Variants in DDHD2 observed in about 807,000 individuals in gnomAD.
DDHD2 encodes the protein DDHD domain containing 2, also known as triacylglycerol hydrolase DDHD2.
A neutral mutation model predicts 91.2 loss-of-function variants in DDHD2; 62 were observed. The observed-to-expected ratio is 0.68, with a 90% confidence interval of 0.55 to 0.84. DDHD2 has a LOEUF of 0.84. DDHD2 is among the 40% of genes least tolerant of loss of function. DDHD2 has a pLI of 0.00. For synonymous variants in DDHD2, 271 were observed against 293.9 expected (o/e 0.92, Z 0.80); for missense variants, 740 against 846.9 (o/e 0.87, Z 1.57).
In DDHD2 at chr8:38,253,084, A is replaced by C; in HGVS notation, c.1848A>C (p.Glu616Asp). ...YPALQASETP[E>D]ETEAEPESTS... ...CCTTACAAGCTTCAGAAACACCAGAAGAAACTGAAGCAGAACCTGAATCAA... is the reference window on the plus strand; with the variant it reads ...CCTTACAAGCTTCAGAAACACCAGACGAAACTGAAGCAGAACCTGAATCAA... The change falls in exon 15 of 18, where the codon GAA (glutamate) becomes GAC (aspartate). Residue 616 changes from glutamate (E) to aspartate (D), a missense_variant. Physicochemically the swap from Glu to Asp is conservative, Grantham distance 45. This residue lies in a region of DDHD2 where 693 missense variants were observed against 764.2 expected (regional missense o/e 0.91). Transcript: ENST00000397166. 1 of 1,614,182 alleles carries C rather than the reference A, an allele frequency of 6.2e-7. No individual in the cohort carries two copies. Among genetic ancestry groups the C allele is most frequent in the Non-Finnish European group, 8.5e-7 (1 of 1,180,024 alleles).
intron 6 of DDHD2, among the ~76,000 whole-genome samples, chr8:38,241,276 C>G (rs1321523353): frequency 6.6e-6 from 1 of 150,718 alleles, no homozygotes; most frequent in Non-Finnish European, 1.5e-5. Flanking sequence ...TTATAAGAAC[C>G]AGAAAGTTAG....
intron 11 of DDHD2, 169 bp from the exon 12 acceptor site, chr8:38,251,743 G>T: frequency 1.8e-6 from 1 of 569,240 alleles, no homozygotes; most frequent in Middle Eastern, 4.6e-4. Context: ...CTATATAGTA[G>T]CTCCCCATAC....
chr8:38,252,634 C>G, intron 13 of DDHD2, 88 bp from the exon 14 acceptor site: 1 of 921,766 alleles, frequency 1.1e-6, no homozygotes, highest in Non-Finnish European at 1.6e-6. Context: ...AGAGCGAGAC[C>G]TCATCTCAAA....
At chr8:38,254,982 T>TA (rs1475626195) in intron 16 of DDHD2, among the ~76,000 whole-genome samples, 1 of 152,054 alleles carries the variant, frequency 6.6e-6, no homozygotes, top group Admixed American at 6.6e-5. Context: ...ATAAGTGTTT[T>TA]AAAAATGAAA....
At chr8:38,233,343 AT>A in intron 2 of DDHD2, 129 bp downstream of exon 2, 1 of 655,504 alleles carries the variant, frequency 1.5e-6, no homozygotes, top group Non-Finnish European at 2.6e-6. Context: ...TTCTTACAGC[AT>A]TTTATATAGA....
At chr8:38,267,570 A>G, downstream of DDHD2, 1 of 754,062 alleles carries the variant, frequency 1.3e-6, no homozygotes, top group Admixed American at 3.0e-5. Flanking sequence ...GAGCATTTAA[A>G]TTAGGGGAAA....
chr8:38,246,072 A>G, intron 8 of DDHD2, 122 bp downstream of exon 8: 2 of 1,216,130 alleles, frequency 1.6e-6, no homozygotes, highest in East Asian at 4.7e-5. Flanking sequence ...TGTGGTCAGG[A>G]AATTTGGAAG....
intron 3 of DDHD2, among the ~76,000 whole-genome samples, chr8:38,235,516 GTT>G (rs1334616448): frequency 6.6e-6 from 1 of 151,970 alleles, no homozygotes; most frequent in East Asian, 1.9e-4. Flanking sequence ...GAGGTTGGGA[GTT>G]TGAGACCAGC....
intron 16 of DDHD2, among the ~76,000 whole-genome samples, chr8:38,259,422 A>G (rs932863423): frequency 3.5e-5 from 5 of 143,094 alleles, no homozygotes; most frequent in African/African-American, 7.9e-5. Flanking sequence ...AGTCTCGCCT[A>G]TCTGCCAGGC....
chr8:38,254,526 G>A (rs539005185), intron 16 of DDHD2, among the ~76,000 whole-genome samples: 1 of 151,952 alleles, frequency 6.6e-6, no homozygotes, highest in East Asian at 1.9e-4. Context: ...GATGACCGTT[G>A]TGCACCACCA....
chr8:38,256,135 C>G (rs1453804766), intron 16 of DDHD2, among the ~76,000 whole-genome samples: 1 of 152,154 alleles, frequency 6.6e-6, no homozygotes, highest in Admixed American at 6.6e-5. Flanking sequence ...TCATCACTCT[C>G]AAAAGTTTCC....
Position 38,245,830 on chromosome 8 carries a change from C to G in DDHD2, c.937C>G (p.Pro313Ala), listed in dbSNP as rs763578024. The G allele has an allele frequency of 6.2e-7, 1 of 1,614,086 alleles. No individual in the cohort carries two copies. The highest frequency in any genetic ancestry group is 1.1e-5 in the South Asian group (1 of 91,084). ...TILDVFFYNS[P>A]TYCQTIVDTV... is the part of the protein sequence containing the mutation. ...TCTGGATGTCTTCTTCTACAATAGT[C>G]CCACCTACTGTCAGACTATTGTGGA... Residue 313 changes from proline to alanine, a missense_variant, in exon 8 of 18, where the codon CCC becomes GCC. Physicochemically the swap from Pro to Ala is conservative, Grantham distance 27. This residue lies in a region of DDHD2 where 693 missense variants were observed against 764.2 expected (regional missense o/e 0.91). Transcript: ENST00000397166.
At position 38,234,375 on chromosome 8, in the gene DDHD2, C is replaced by T. The variant is rs779082411; in HGVS notation, c.221-19C>T. 8.5e-6 allele frequency: 13 copies of T among 1,530,600 alleles called. No individual in the cohort carries two copies. The South Asian group carries it at 8.8e-5, about 10-fold the overall frequency. 94.8% of individuals were successfully genotyped at this position (1,530,600 alleles called of 1,614,324 possible). ...ATTTTGAAATATGTACTTCTTTTCC[C>T]CTTTTCAATCCTTGAAAGGAAAAGG... On this transcript the variant is annotated intron_variant, in intron 2 of 17. Coordinates refer to ENST00000397166, the MANE Select transcript of DDHD2 (RefSeq NM_015214.3).
chr8:38,253,262 A>G (rs1030426145), intron 15 of DDHD2, 135 bp downstream of exon 15: 7 of 1,001,708 alleles, frequency 7.0e-6, no homozygotes, highest in African/African-American at 1.6e-5. Flanking sequence ...TTAGTTTTCA[A>G]CTTCTAAAGA....
intron 3 of DDHD2, 146 bp downstream of exon 3, chr8:38,234,730 T>G: frequency 1.5e-6 from 1 of 652,228 alleles, no homozygotes; most frequent in Non-Finnish European, 2.4e-6. Context: ...GCATTTCTAT[T>G]TACAAGCAAG....
intron 15 of DDHD2, 21 bp downstream of exon 15, chr8:38,253,148 T>C: frequency 6.3e-7 from 1 of 1,592,812 alleles, no homozygotes. Flanking sequence ...CTGTACACAT[T>C]GACCAGCTGC....
intron 1 of DDHD2, chr8:38,270,136 C>A (rs181676505): frequency 1.3e-5 from 2 of 152,242 alleles, no homozygotes; most frequent in East Asian, 1.9e-4. Flanking sequence ...AACACTAATC[C>A]CTTAGTGTCA....
downstream of DDHD2, chr8:38,273,127 A>T (rs937596412): frequency 6.6e-6 from 1 of 152,054 alleles, no homozygotes; most frequent in African/African-American, 2.4e-5. Flanking sequence ...CCTCCTGAGA[A>T]ACTGGGACTA....
At chr8:38,253,534 A>G in intron 15 of DDHD2, 22 bp from the exon 16 acceptor site, 1 of 1,603,006 alleles carries the variant, frequency 6.2e-7, no homozygotes, top group Non-Finnish European at 8.5e-7. Flanking sequence ...TTAGATTCTT[A>G]TTATGGTTCT....
Sources: gnomAD v4.1 joint callset for allele counts (sites outside exome capture counted in the v4.1 genomes callset) on GRCh38, gnomAD v4.1.1 for gene constraint, gnomAD v4.1.1 regional missense constraint, MANE v1.5 for transcripts, NCBI Gene and HGNC (gene_info 2026-07-23, HGNC 2026-07-21) for gene names.